Variants in PPP1R42 observed in about 807,000 individuals in gnomAD.
The protein encoded by PPP1R42 is protein phosphatase 1 regulatory subunit 42.
In PPP1R42, 34 loss-of-function variants were observed where a neutral mutation model predicts 31.0. The ratio of observed to expected loss-of-function variants is 1.10; its 90% CI spans 0.83 to 1.46. The LOEUF is 1.46. Among genes scored for constraint, PPP1R42 ranks in the 40% most tolerant of loss-of-function variants. The pLI is 0.00. For synonymous variants in PPP1R42, 103 were observed against 109.8 expected (o/e 0.94, Z 0.39); for missense variants, 268 against 303.0 (o/e 0.88, Z 0.86).
rs1395468143 is a variant in PPP1R42, at chr8:67,025,351, A to C, written c.-85+3140T>G. On this transcript the variant is annotated intron_variant, in intron 1 of 7. Coordinates refer to ENST00000685739, the MANE Select transcript of PPP1R42 (RefSeq NM_001364910.1). ...GGTCTCAAACTCCTGGGCTCAAGTGATCCTCCTGCTTTGGCTTTTCAAAGT... is the reference window on the plus strand; with the variant it reads ...GGTCTCAAACTCCTGGGCTCAAGTGCTCCTCCTGCTTTGGCTTTTCAAAGT... Among the ~76,000 whole-genome samples the C allele has an allele frequency of 2.0e-5, 3 of 152,012 alleles. No homozygotes were observed. In the East Asian group the frequency reaches 5.8e-4, roughly 29 times the overall value.
rs567834777 is a variant in PPP1R42 at position 67,017,195 on chromosome 8, C to T, written c.129+424G>A. On this transcript the variant is annotated intron_variant, in intron 2 of 7. Coordinates refer to ENST00000685739, the MANE Select transcript of PPP1R42 (RefSeq NM_001364910.1). ...CTGATAAAAATAAGTTAAATAAGGCCGAGTGCAGTGGCTTGCGTGTGTAAT... is the reference window on the plus strand; with the variant it reads ...CTGATAAAAATAAGTTAAATAAGGCTGAGTGCAGTGGCTTGCGTGTGTAAT... 1.4e-4 allele frequency among the ~76,000 whole-genome samples: 21 copies of T among 151,952 alleles called. 1 individual carries two copies. The South Asian group carries it at 3.1e-3, about 23-fold the overall frequency.
intron 7 of PPP1R42, among the ~76,000 whole-genome samples, chr8:66,976,232 G>C (rs1814667968): frequency 6.6e-6 from 1 of 151,994 alleles, no homozygotes; most frequent in Admixed American, 6.6e-5. Flanking sequence ...TCCCAGATAG[G>C]ATCATCTAGT....
intron 5 of PPP1R42, among the ~76,000 whole-genome samples, chr8:66,992,310 T>C (rs1427494794): frequency 1.3e-5 from 2 of 152,182 alleles, no homozygotes; most frequent in Non-Finnish European, 2.9e-5. Context: ...CCTGGCCTCT[T>C]CCAATCTGTT....
At chr8:67,017,408 C>G (rs1231680541) in intron 2 of PPP1R42, among the ~76,000 whole-genome samples, 1 of 151,950 alleles carries the variant, frequency 6.6e-6, no homozygotes, top group East Asian at 1.9e-4. Flanking sequence ...GTACAAGAGT[C>G]GCTTGAACCT....
intron 1 of PPP1R42, among the ~76,000 whole-genome samples, chr8:67,023,302 G>A (rs1303597411): frequency 1.3e-5 from 2 of 151,958 alleles, no homozygotes; most frequent in Non-Finnish European, 2.9e-5. Context: ...GTAGAGATGG[G>A]GTTTTGCCAA....
rs1405146042 is a variant in PPP1R42, at chr8:67,028,549, C to T, written c.-143G>A. 1 of 985,396 alleles carries T rather than the reference C, an allele frequency of 1.0e-6. No homozygotes were observed. Among genetic ancestry groups the T allele is most frequent in the East Asian group, 1.1e-4 (1 of 8,824 alleles). The allele number at this position is 985,396 out of a possible 1,614,324, so 61.0% of individuals were successfully genotyped here. A position where few individuals can be genotyped will look rare whatever the true frequency, so the allele number is the denominator to read the frequency against. ...TTGGTCGGTTTCATCGGCGCCGGGT[C>T]CCTACGCAGACCAGCGGCGGTTGCT... On this transcript the variant is annotated 5_prime_UTR_variant, in exon 1 of 8. Transcript: ENST00000685739.
At chr8:67,001,358 T>TA (rs113200446) in intron 5 of PPP1R42, among the ~76,000 whole-genome samples, 3 of 149,208 alleles carry the variant, frequency 2.0e-5, no homozygotes, top group South Asian at 2.1e-4. Flanking sequence ...AGATTGGATT[T>TA]AAAAAAAAAT....
intron 1 of PPP1R42, among the ~76,000 whole-genome samples, chr8:67,020,328 T>C (rs1017825843): frequency 6.6e-6 from 1 of 151,912 alleles, no homozygotes; most frequent in African/African-American, 2.4e-5. Flanking sequence ...GCCTCCCGAG[T>C]AGCTGAGATT....
chr8:66,979,654 G>A (rs1814773279), intron 7 of PPP1R42, among the ~76,000 whole-genome samples: 1 of 152,158 alleles, frequency 6.6e-6, no homozygotes, highest in African/African-American at 2.4e-5. Flanking sequence ...AAGTCTAGTA[G>A]TGTGGTGGCT....
At chr8:66,975,104 CTTCAG>C (rs1392994967) in intron 7 of PPP1R42, among the ~76,000 whole-genome samples, 1 of 152,142 alleles carries the variant, frequency 6.6e-6, no homozygotes, top group Non-Finnish European at 1.5e-5. Context: ...AATATTGAGT[CTTCAG>C]TTCATGAACA....
intron 5 of PPP1R42, among the ~76,000 whole-genome samples, chr8:67,008,060 G>A (rs1815739136): frequency 1.3e-5 from 2 of 151,766 alleles, no homozygotes; most frequent in East Asian, 1.9e-4. Context: ...CTAATTTTTT[G>A]TATTTTTAGT....
At chr8:67,001,573 A>G (rs1383230676) in intron 5 of PPP1R42, among the ~76,000 whole-genome samples, 3 of 151,650 alleles carry the variant, frequency 2.0e-5, no homozygotes, top group Non-Finnish European at 2.9e-5. Context: ...TTATTGGCTT[A>G]TTAGTTGTAA....
chr8:66,985,675 T>C (rs1814986830), intron 6 of PPP1R42: 1 of 1,329,860 alleles, frequency 7.5e-7, no homozygotes, highest in South Asian at 1.2e-5. Flanking sequence ...CTGAATAGTG[T>C]GGCCAATTGG....
At chr8:66,968,482 G>A (rs1477619291) in intron 7 of PPP1R42, 3 of 985,116 alleles carry the variant, frequency 3.0e-6, no homozygotes, top group Non-Finnish European at 3.6e-6. Flanking sequence ...TAAATATAGA[G>A]TGTAGGGACA....
At position 67,011,508 on chromosome 8, in the gene PPP1R42, G is replaced by A. The variant is rs541208656; in HGVS notation, c.436-677C>T. Among the ~76,000 whole-genome samples, 5 of 152,196 alleles carry A rather than the reference G, an allele frequency of 3.3e-5. No individual in the cohort carries two copies. The East Asian group carries it at 7.7e-4, about 23-fold the overall frequency. On this transcript the variant is annotated intron_variant, in intron 4 of 7. Transcript: ENST00000685739. Reference sequence around the variant, plus strand: ...CGCCTGGGCGACAGAACAAAACTCCGTCTCAAAAAAAGATTTGTGCTTACA... The same window carrying A: ...CGCCTGGGCGACAGAACAAAACTCCATCTCAAAAAAAGATTTGTGCTTACA...
At chr8:67,007,883 C>T (rs1056124090) in intron 5 of PPP1R42, among the ~76,000 whole-genome samples, 12 of 147,398 alleles carry the variant, frequency 8.1e-5, no homozygotes, top group Admixed American at 6.8e-5. Flanking sequence ...TGTAACTGTT[C>T]CTTTTTTTTT....
At chr8:67,019,666 G>A (rs1466685408) in intron 1 of PPP1R42, among the ~76,000 whole-genome samples, 1 of 151,840 alleles carries the variant, frequency 6.6e-6, no homozygotes, top group African/African-American at 2.4e-5. Context: ...GCCGAGGCGG[G>A]CGGATCACAA....
At chr8:67,015,024 A>T (rs933741577) in intron 2 of PPP1R42, among the ~76,000 whole-genome samples, 28 of 151,420 alleles carry the variant, frequency 1.8e-4, no homozygotes, top group Admixed American at 5.9e-4. Context: ...GATTATTATT[A>T]TTTTTTTTTC....
intron 7 of PPP1R42, among the ~76,000 whole-genome samples, chr8:66,974,742 CTT>C (rs977020275): frequency 2.5e-4 from 38 of 152,224 alleles, no homozygotes; most frequent in African/African-American, 8.9e-4. Context: ...GTTTAAGAGA[CTT>C]TTCTTTCCCC....
Sources: allele counts gnomAD v4.1 joint callset (sites outside exome capture counted in the v4.1 genomes callset), GRCh38; gene constraint gnomAD v4.1.1; transcripts MANE v1.5; gene names NCBI Gene and HGNC (gene_info 2026-07-23, HGNC 2026-07-21).